Variants in MTA3 observed in about 807,000 individuals in gnomAD.
MTA3 encodes the protein metastasis-associated protein MTA3.
A neutral mutation model predicts 83.5 loss-of-function variants in MTA3; 34 were observed. That is an observed-to-expected ratio of 0.41 (90% CI 0.31 to 0.54). MTA3 has a LOEUF of 0.54. Among genes scored for constraint, MTA3 ranks in the 20% least tolerant of loss-of-function variants. The pLI, the probability that MTA3 is intolerant of heterozygous loss-of-function variation, is 0.33. For synonymous variants in MTA3, 303 were observed against 252.7 expected (o/e 1.20, Z -1.89); for missense variants, 761 against 726.4 (o/e 1.05, Z -0.55).
intron 8 of MTA3, among the ~76,000 whole-genome samples, chr2:42,668,652 T>C (rs971032739): frequency 1.3e-5 from 2 of 152,218 alleles, no homozygotes; most frequent in Admixed American, 1.3e-4. Flanking sequence ...TTTATAGCCT[T>C]ATTGATTGTC....
In MTA3 at chr2:42,620,158, G is replaced by T. The variant is rs933024687; in HGVS notation, c.317+10574G>T. ...TTTTTTTAAAGAGTCTTGCTCTGTCGCCCAGGCTGGAGTGCAATGGCGTGA... is the reference window on the plus strand; with the variant it reads ...TTTTTTTAAAGAGTCTTGCTCTGTCTCCCAGGCTGGAGTGCAATGGCGTGA... On this transcript the variant is annotated intron_variant, in intron 4 of 16. Coordinates refer to ENST00000405094, the MANE Select transcript of MTA3 (RefSeq NM_001330442.2). Among the ~76,000 whole-genome samples, 3 of 138,186 alleles carry T rather than the reference G, an allele frequency of 2.2e-5. No individual in the cohort carries two copies. The South Asian group carries it at 6.7e-4, about 31-fold the overall frequency. The allele number at this position is 138,186 out of a possible 152,430, so 90.7% of individuals were successfully genotyped here.
intron 2 of MTA3, among the ~76,000 whole-genome samples, chr2:42,506,414 A>G (rs987677116): frequency 5.3e-5 from 8 of 151,778 alleles, no homozygotes; most frequent in Admixed American, 1.3e-4. Flanking sequence ...TGATCATGCC[A>G]CTGCACTCCA....
chr2:42,610,986 T>TC (rs1428398594), intron 4 of MTA3, among the ~76,000 whole-genome samples: 4 of 149,160 alleles, frequency 2.7e-5, no homozygotes, highest in South Asian at 4.3e-4. Flanking sequence ...TCTTTTCTTT[T>TC]TTTTTTTTTT....
At chr2:42,522,043 T>G (rs766749729) in intron 2 of MTA3, among the ~76,000 whole-genome samples, 1 of 152,154 alleles carries the variant, frequency 6.6e-6, no homozygotes, top group South Asian at 2.1e-4. Flanking sequence ...CATGAGCCAC[T>G]GTGCCTGGCC....
intron 2 of MTA3, among the ~76,000 whole-genome samples, chr2:42,574,996 A>G (rs1678890143): frequency 6.6e-6 from 1 of 152,264 alleles, no homozygotes; most frequent in Non-Finnish European, 1.5e-5. Flanking sequence ...AGGCAACTCT[A>G]AACTATTTAC....
At chr2:42,523,594 A>G (rs1675530230) in intron 2 of MTA3, among the ~76,000 whole-genome samples, 1 of 152,112 alleles carries the variant, frequency 6.6e-6, no homozygotes, top group Admixed American at 6.6e-5. Flanking sequence ...TCTTTAAGCC[A>G]CCGCATTCTG....
At chr2:42,550,323 A>G (rs965782749) in intron 2 of MTA3, among the ~76,000 whole-genome samples, 10 of 152,174 alleles carry the variant, frequency 6.6e-5, no homozygotes, top group African/African-American at 2.2e-4. Flanking sequence ...ATTAACAGAA[A>G]TGTGTTCTGA....
chr2:42,544,062 A>G (rs1199135388), intron 2 of MTA3, among the ~76,000 whole-genome samples: 1 of 152,072 alleles, frequency 6.6e-6, no homozygotes, highest in Non-Finnish European at 1.5e-5. Flanking sequence ...ATGACTAAGG[A>G]AGCAGTTTAG....
rs185610600 is a variant in MTA3, at chr2:42,669,113, C to G, written c.702+9251C>G. Among the ~76,000 whole-genome samples, 709 of 134,466 alleles carry G rather than the reference C, an allele frequency of 5.3e-3. 3 individuals carry two copies. Among genetic ancestry groups the G allele is most frequent in the African/African-American group, 0.018 (633 of 35,890 alleles). 88.2% of individuals were successfully genotyped at this position (134,466 alleles called of 152,430 possible). On this transcript the variant is annotated intron_variant, in intron 8 of 16. Transcript: ENST00000405094. ...TTTTTTTTTTTTTTTGGGAGGTAGT[C>G]TCGCTCTGTCACCCAGGCTGGAGTG...
chr2:42,612,225 C>T (rs975883360), intron 4 of MTA3, among the ~76,000 whole-genome samples: 2 of 152,066 alleles, frequency 1.3e-5, no homozygotes, highest in South Asian at 2.1e-4. Flanking sequence ...CACTTTTTAT[C>T]GATTGACTGT....
chr2:42,677,828 G>A (rs1691522343), intron 8 of MTA3, among the ~76,000 whole-genome samples: 1 of 152,090 alleles, frequency 6.6e-6, no homozygotes, highest in Non-Finnish European at 1.5e-5. Context: ...GGTTTGTCTT[G>A]ATCAGCAGTG....
chr2:42,681,482 A>G (rs1691906717), intron 8 of MTA3, among the ~76,000 whole-genome samples: 1 of 152,168 alleles, frequency 6.6e-6, no homozygotes, highest in Non-Finnish European at 1.5e-5. Context: ...TATCTTGCAC[A>G]AGAGCTGAAG....
chr2:42,702,046 A>G (rs1665624272), intron 11 of MTA3, among the ~76,000 whole-genome samples: 1 of 152,068 alleles, frequency 6.6e-6, no homozygotes, highest in Admixed American at 6.6e-5. Flanking sequence ...CTCCGTCTCT[A>G]CTAAAAATGT....
At chr2:42,690,680 AT>A (rs11358037) in intron 9 of MTA3, among the ~76,000 whole-genome samples, 69,985 of 117,618 alleles carry the variant, frequency 0.6, 19,929 homozygotes, top group African/African-American at 0.76. Flanking sequence ...TTTTAATTTA[AT>A]TTTTTTTTTT....
At chr2:42,593,287 G>C (rs1373228957) in intron 3 of MTA3, among the ~76,000 whole-genome samples, 1 of 151,982 alleles carries the variant, frequency 6.6e-6, no homozygotes, top group Non-Finnish European at 1.5e-5. Flanking sequence ...AGGACATTGA[G>C]ACCAGCCTGA....
At chr2:42,586,933 G>C (rs1420425004) in intron 3 of MTA3, among the ~76,000 whole-genome samples, 4 of 152,216 alleles carry the variant, frequency 2.6e-5, no homozygotes, top group Non-Finnish European at 5.9e-5. Context: ...TGAGGCAAGA[G>C]AATCGCTTGA....
intron 9 of MTA3, among the ~76,000 whole-genome samples, chr2:42,685,731 G>A (rs1260125284): frequency 1.3e-5 from 2 of 152,160 alleles, no homozygotes; most frequent in Non-Finnish European, 2.9e-5. Flanking sequence ...TTTGGAGACT[G>A]GAATTGGCTA....
At chr2:42,661,964 C>A (rs79269806) in intron 8 of MTA3, among the ~76,000 whole-genome samples, 1,579 of 152,208 alleles carry the variant, frequency 0.01, 27 homozygotes, top group African/African-American at 0.035. Flanking sequence ...TGTAACAGAT[C>A]TGCTATGTAT....
At chr2:42,606,862 G>T (rs1421115686) in intron 3 of MTA3, among the ~76,000 whole-genome samples, 1 of 148,500 alleles carries the variant, frequency 6.7e-6, no homozygotes, top group African/African-American at 2.5e-5. Flanking sequence ...CGGATCACTC[G>T]CGGTTAGGGG....
Sources: allele counts gnomAD v4.1 joint callset (sites outside exome capture counted in the v4.1 genomes callset), GRCh38; gene constraint gnomAD v4.1.1; transcripts MANE v1.5; gene names NCBI Gene and HGNC (gene_info 2026-07-23, HGNC 2026-07-21).